The following IYD variants were observed in gnomAD, a reference collection of about 807,000 sequenced individuals.
The protein encoded by IYD is iodotyrosine deiodinase 1.
In IYD, 25 loss-of-function variants were observed where a neutral mutation model predicts 28.4. That is an observed-to-expected ratio of 0.88 (90% confidence interval 0.64 to 1.23). The LOEUF (loss-of-function observed/expected upper bound fraction) is 1.23. IYD is among the 50% of genes most tolerant of loss of function. The pLI, the probability that IYD is intolerant of heterozygous loss-of-function variation, is 0.00. For synonymous variants in IYD, 140 were observed against 130.8 expected (o/e 1.07, Z -0.48); for missense variants, 352 against 357.9 (o/e 0.98, Z 0.13).
chr6:150,375,970 T>A (rs74815434), intron 1 of IYD, among the ~76,000 whole-genome samples: 1,985 of 152,238 alleles, frequency 0.013, 46 homozygotes, highest in African/African-American at 0.045. Flanking sequence ...ACTAAAGCAA[T>A]GTATTTGGAG....
chr6:150,380,800 T>G (rs1241778265), intron 1 of IYD, among the ~76,000 whole-genome samples: 1 of 152,188 alleles, frequency 6.6e-6, no homozygotes, highest in Non-Finnish European at 1.5e-5. Flanking sequence ...AAACAGCATG[T>G]TAGCATTTGG....
At chr6:150,395,336 G>T in intron 4 of IYD, 1 of 1,254,924 alleles carries the variant, frequency 8.0e-7, no homozygotes, top group Non-Finnish European at 1.1e-6. Context: ...CTATCTCAAA[G>T]AAAAACATGT....
chr6:150,370,236 T>C (rs1777176892), intron 1 of IYD, among the ~76,000 whole-genome samples: 1 of 146,946 alleles, frequency 6.8e-6, no homozygotes, highest in Admixed American at 6.8e-5. Flanking sequence ...TGTGTGTGTG[T>C]GCATGAGAGT....
intron 1 of IYD, chr6:150,385,258 T>C (rs1777817506): frequency 6.6e-6 from 1 of 152,200 alleles, no homozygotes; most frequent in Admixed American, 6.5e-5. Context: ...ATCTTTCATA[T>C]TTAGAATTGT....
At chr6:150,370,629 C>A in intron 1 of IYD, 1 of 985,396 alleles carries the variant, frequency 1.0e-6, no homozygotes, top group Non-Finnish European at 1.2e-6. Context: ...CGGAGAAGCA[C>A]TTCCCTTAAT....
At chr6:150,373,997 A>G (rs1035511312) in intron 1 of IYD, among the ~76,000 whole-genome samples, 1 of 152,214 alleles carries the variant, frequency 6.6e-6, no homozygotes, top group African/African-American at 2.4e-5. Flanking sequence ...TCTTGAGATC[A>G]AGTCTGGGTG....
chr6:150,395,489 C>A (rs1432305710), intron 4 of IYD: 1 of 1,537,190 alleles, frequency 6.5e-7, no homozygotes, highest in Non-Finnish European at 8.7e-7. Flanking sequence ...CATCAGACTG[C>A]GAGGCACCGC....
chr6:150,394,026 A>G, intron 3 of IYD, 73 bp from the exon 4 acceptor site: 1 of 1,354,716 alleles, frequency 7.4e-7, no homozygotes, highest in Non-Finnish European at 1.0e-6. Flanking sequence ...TTTTTATCAT[A>G]AAGAAGCTAA....
chr6:150,369,040 C>T lies in IYD; in HGVS notation c.9C>T (p.Phe3=). Residue 3 remains phenylalanine (F), a synonymous_variant, in exon 1 of 5, where the codon TTC becomes TTT. Transcript: ENST00000344419. Reference sequence around the variant, plus strand: ...ACGTCAGACTCCAGACCATGTATTTCCTGACTCCCATCTTGGTAGCCATTC... The same window carrying T: ...ACGTCAGACTCCAGACCATGTATTTTCTGACTCCCATCTTGGTAGCCATTC... The part of the protein sequence containing the change: MY[F]LTPILVAILC... 2 of 1,614,022 alleles carry T rather than the reference C, an allele frequency of 1.2e-6. No homozygotes were observed. The highest frequency in any genetic ancestry group is 2.2e-5 in the East Asian group (1 of 44,868).
chr6:150,402,307 C>T lies in IYD; in HGVS notation c.*4070C>T, dbSNP rs1562327209. The T allele has an allele frequency of 6.6e-6, 1 of 152,208 alleles. No individual in the cohort carries two copies. The highest frequency in any genetic ancestry group is 2.4e-5 in the African/African-American group (1 of 41,442). 9.4% of individuals were successfully genotyped at this position (152,208 alleles called of 1,614,324 possible). On this transcript the variant is annotated 3_prime_UTR_variant, in exon 5 of 5. Transcript: ENST00000344419. ...ACTGGAAGAGGTCACCCCAACAATT[C>T]CATCGTACCTTGGCCTAGGAGTGAC...
intron 1 of IYD, among the ~76,000 whole-genome samples, chr6:150,387,304 T>C (rs1404848064): frequency 6.6e-6 from 1 of 151,992 alleles, no homozygotes; most frequent in East Asian, 1.9e-4. Context: ...TGCACACCTG[T>C]ACTCCCAGCT....
At chr6:150,396,408 A>G in intron 4 of IYD, 1 of 653,400 alleles carries the variant, frequency 1.5e-6, no homozygotes, top group South Asian at 1.7e-5. Flanking sequence ...TAATAATAGA[A>G]GTCAACTTAA....
In IYD at chr6:150,398,209, C is replaced by T. The variant is rs765952815; in HGVS notation, c.842C>T (p.Pro281Leu). The change falls in exon 5 of 5, where the codon CCT (proline) becomes CTT (leucine). Residue 281 changes from proline (P) to leucine (L), a missense_variant. Transcript: ENST00000344419. Reference sequence around the variant, plus strand: ...ACGGTGCCTGACCTCAAGCGCAAACCTCTGGACCAGATCATGGTGACAGTG... The same window carrying T: ...ACGGTGCCTGACCTCAAGCGCAAACTTCTGGACCAGATCATGGTGACAGTG... Reference protein sequence around the residue: ...EATVPDLKRKPLDQIMVTV With the variant: ...EATVPDLKRKLLDQIMVTV 4 of 1,614,050 alleles carry T rather than the reference C, an allele frequency of 2.5e-6. No individual in the cohort carries two copies. Among genetic ancestry groups the T allele is most frequent in the East Asian group, 2.2e-5 (1 of 44,874 alleles).
intron 1 of IYD, among the ~76,000 whole-genome samples, chr6:150,385,577 T>A (rs540521502): frequency 2.0e-4 from 30 of 151,290 alleles, no homozygotes; most frequent in African/African-American, 7.3e-4. Flanking sequence ...TATTTTTTTT[T>A]ATAAATTGCT....
Position 150,404,611 on chromosome 6 carries a change from AC to A in IYD, c.*6375del, listed in dbSNP as rs886061184. On this transcript the variant is annotated 3_prime_UTR_variant, in exon 5 of 5. Transcript: ENST00000344419. ...TAGAATGTTTAAAAGATTTTAATAA[AC>A]AAAGCCTATAACTAAGACTGATGCT... 5 of 152,246 alleles carry A rather than the reference AC, an allele frequency of 3.3e-5. No homozygotes were observed. The highest frequency in any genetic ancestry group is 2.6e-4 in the Admixed American group (4 of 15,286). The allele number at this position is 152,246 out of a possible 1,614,324, so 9.4% of individuals were successfully genotyped here.
At position 150,398,040 on chromosome 6, in the gene IYD, G is replaced by T. The variant is rs750134943; in HGVS notation, c.688-15G>T. 4 of 1,613,622 alleles carry T rather than the reference G, an allele frequency of 2.5e-6. No homozygotes were observed. Among genetic ancestry groups the T allele is most frequent in the South Asian group, 2.2e-5 (2 of 91,076 alleles). ...CCTGCTGACTTTAAAATGCTTTCTT[G>T]TCCTCTTATTTTAGAATGCAGGTCT... On this transcript the variant is annotated splice_polypyrimidine_tract_variant and intron_variant, in intron 4 of 4. Coordinates refer to ENST00000344419, the MANE Select transcript of IYD (RefSeq NM_203395.3).
intron 1 of IYD, among the ~76,000 whole-genome samples, chr6:150,383,643 G>A (rs1042433423): frequency 6.6e-6 from 1 of 151,928 alleles, no homozygotes; most frequent in Non-Finnish European, 1.5e-5. Flanking sequence ...TATAACCACA[G>A]CTGCATCAGC....
chr6:150,388,988 C>T (rs1481295955), intron 1 of IYD, among the ~76,000 whole-genome samples: 1 of 152,170 alleles, frequency 6.6e-6, no homozygotes, highest in African/African-American at 2.4e-5. Flanking sequence ...AGGCGTAAGC[C>T]ACCACGCCCG....
In IYD at chr6:150,398,257, T is replaced by C. The variant is rs1271010004; in HGVS notation, c.*20T>C. On this transcript the variant is annotated 3_prime_UTR_variant, in exon 5 of 5. Transcript: ENST00000344419. ...GTGTAGGCAGGGCCCCCCAAGGGAG[T>C]GGCAGGGAGATGGCGCCCCTGCTTT... The C allele has an allele frequency of 6.2e-7, 1 of 1,612,958 alleles. No individual in the cohort carries two copies. The highest frequency in any genetic ancestry group is 8.5e-7 in the Non-Finnish European group (1 of 1,179,336).
Sources: gnomAD v4.1 joint callset for allele counts (sites outside exome capture counted in the v4.1 genomes callset) on GRCh38, gnomAD v4.1.1 for gene constraint, MANE v1.5 for transcripts, NCBI Gene and HGNC (gene_info 2026-07-23, HGNC 2026-07-21) for gene names.